RPRD1A: variants seen among roughly 807,000 people sequenced by gnomAD.
RPRD1A encodes the protein regulation of nuclear pre-mRNA domain-containing protein 1A.
In RPRD1A, 9 loss-of-function variants were observed where a neutral mutation model predicts 37.8. The observed-to-expected ratio is 0.24, with a 90% CI of 0.14 to 0.42. RPRD1A has a LOEUF of 0.42. RPRD1A is among the 10% of genes least tolerant of loss of function. RPRD1A has a pLI of 1.00. For synonymous variants in RPRD1A, 138 were observed against 139.7 expected (o/e 0.99, Z 0.08); for missense variants, 255 against 371.0 (o/e 0.69, Z 2.57).
At chr18:36,001,026 C>T (rs1208309971) in intron 6 of RPRD1A, among the ~76,000 whole-genome samples, 3 of 152,308 alleles carry the variant, frequency 2.0e-5, no homozygotes, top group East Asian at 3.9e-4. Context: ...AGGTAGTCTA[C>T]TTCTGTCCTT....
chr18:35,993,330 T>A (rs1211279605), intron 6 of RPRD1A, 30 bp from the exon 7 acceptor site: 1 of 1,611,392 alleles, frequency 6.2e-7, no homozygotes, highest in East Asian at 2.2e-5. Flanking sequence ...TCATTAGCAT[T>A]CAGGGATTGA....
chr18:36,034,060 G>T (rs915463788), intron 1 of RPRD1A, among the ~76,000 whole-genome samples: 14 of 151,740 alleles, frequency 9.2e-5, no homozygotes, highest in African/African-American at 3.1e-4. Context: ...ACTCTATCCT[G>T]TATTAAATTT....
chr18:36,009,004 G>C (rs915468975), intron 6 of RPRD1A, among the ~76,000 whole-genome samples: 1 of 152,128 alleles, frequency 6.6e-6, no homozygotes, highest in Non-Finnish European at 1.5e-5. Flanking sequence ...GGAGTAGGGA[G>C]AGGAAACTCT....
At chr18:36,008,571 G>GTATATATATATATATATATATA (rs1359543093) in intron 6 of RPRD1A, among the ~76,000 whole-genome samples, 488 of 27,726 alleles carry the variant, frequency 0.018, 25 homozygotes, top group South Asian at 0.025. Flanking sequence ...GCAAGACCTT[G>GTATATATATATATATATATATA]TGTGTGTATA....
intron 1 of RPRD1A, chr18:36,064,310 A>G (rs1425526771): frequency 6.6e-6 from 1 of 152,506 alleles, no homozygotes; most frequent in Non-Finnish European, 1.5e-5. Context: ...GCTGGGCTTG[A>G]TGGGGGACGA....
Position 36,067,348 on chromosome 18 carries a change from C to G in RPRD1A, c.57G>C (p.Ser19=). The G allele has an allele frequency of 6.2e-7, 1 of 1,608,150 alleles. No homozygotes were observed. ...GGGACAAGGTCTGCACGCTCTGCTG[C>G]GAGTTGCTCAACTCCGACAGCTTCT... ...LEKKLSELSN[S]QQSVQTLSLW... The change falls in exon 1 of 7, where the codon TCG becomes TCC. Residue 19 remains serine, a synonymous_variant. Transcript: ENST00000399022.
At chr18:36,010,572 G>A (rs1351347637) in intron 6 of RPRD1A, among the ~76,000 whole-genome samples, 1 of 152,158 alleles carries the variant, frequency 6.6e-6, no homozygotes, top group African/African-American at 2.4e-5. Flanking sequence ...GGACATCAAT[G>A]TCTTTTGTTT....
rs118052128 is a variant in RPRD1A at position 36,052,147 on chromosome 18, A to C, written c.151+15107T>G. ...AGAAAACAGTGAGACAATGTATTTA[A>C]CATCCTAACAGAAAAAAAAAAAAAC... On this transcript the variant is annotated intron_variant, in intron 1 of 6. Coordinates refer to ENST00000399022, the MANE Select transcript of RPRD1A (RefSeq NM_018170.5). Among the ~76,000 whole-genome samples the C allele has an allele frequency of 6.2e-3, 555 of 89,630 alleles. 4 individuals are homozygous for C. Among genetic ancestry groups the C allele is most frequent in the Non-Finnish European group, 9.3e-3 (435 of 46,902 alleles). 58.8% of individuals were successfully genotyped at this position (89,630 alleles called of 152,430 possible).
At chr18:36,041,696 C>G (rs1444549931) in intron 1 of RPRD1A, among the ~76,000 whole-genome samples, 1 of 152,230 alleles carries the variant, frequency 6.6e-6, no homozygotes, top group African/African-American at 2.4e-5. Flanking sequence ...CCGCCTGTGG[C>G]ATTGTGGGGA....
intron 6 of RPRD1A, among the ~76,000 whole-genome samples, chr18:36,010,174 A>G (rs1376351071): frequency 2.0e-5 from 3 of 152,116 alleles, no homozygotes; most frequent in Admixed American, 2.0e-4. Context: ...AATTCTAGGA[A>G]AAGCTGAAGA....
At chr18:36,048,914 A>T (rs1487121530) in intron 1 of RPRD1A, among the ~76,000 whole-genome samples, 1 of 152,234 alleles carries the variant, frequency 6.6e-6, no homozygotes, top group Non-Finnish European at 1.5e-5. Context: ...TTTACAGCTA[A>T]TAAGTGCATT....
At chr18:36,019,283 ATT>A (rs1459950283) in intron 6 of RPRD1A, among the ~76,000 whole-genome samples, 2 of 151,618 alleles carry the variant, frequency 1.3e-5, no homozygotes, top group African/African-American at 4.9e-5. Flanking sequence ...AATTTTTTAT[ATT>A]TTTAGTAGAG....
intron 1 of RPRD1A, among the ~76,000 whole-genome samples, chr18:36,055,569 G>C (rs549277832): frequency 2.0e-5 from 3 of 152,234 alleles, no homozygotes; most frequent in Admixed American, 6.5e-5. Flanking sequence ...TTTAAAATAA[G>C]ACTGCACAGT....
chr18:35,996,080 A>C (rs1182910571), intron 6 of RPRD1A, among the ~76,000 whole-genome samples: 1 of 152,212 alleles, frequency 6.6e-6, no homozygotes, highest in Non-Finnish European at 1.5e-5. Flanking sequence ...TTAGGTAAAA[A>C]TTAAGAAAAT....
intron 1 of RPRD1A, among the ~76,000 whole-genome samples, chr18:36,061,544 T>C (rs1598674977): frequency 1.3e-5 from 2 of 152,222 alleles, no homozygotes; most frequent in East Asian, 3.8e-4. Flanking sequence ...CAAATGTTAG[T>C]GTTGGTTTCT....
At chr18:36,007,490 T>A (rs1485830115) in intron 6 of RPRD1A, among the ~76,000 whole-genome samples, 1 of 152,182 alleles carries the variant, frequency 6.6e-6, no homozygotes, top group Non-Finnish European at 1.5e-5. Context: ...GTGATCGGAA[T>A]GCAGGGATTC....
chr18:36,040,452 G>T (rs569089318), intron 1 of RPRD1A, among the ~76,000 whole-genome samples: 301 of 152,282 alleles, frequency 2.0e-3, no homozygotes, highest in African/African-American at 7.1e-3. Context: ...AGGGAATAAT[G>T]AAGTGTAAAG....
At chr18:36,063,242 T>C (rs1598678370) in intron 1 of RPRD1A, among the ~76,000 whole-genome samples, 1 of 152,320 alleles carries the variant, frequency 6.6e-6, no homozygotes, top group Non-Finnish European at 1.5e-5. Context: ...TGGAGTGCAG[T>C]GGCGCACTTG....
intron 6 of RPRD1A, among the ~76,000 whole-genome samples, chr18:35,998,070 T>G (rs999220820): frequency 3.3e-5 from 5 of 152,130 alleles, no homozygotes; most frequent in African/African-American, 7.2e-5. Flanking sequence ...AAAATAAACG[T>G]AACTAGGGCT....
Sources: allele counts gnomAD v4.1 joint callset (sites outside exome capture counted in the v4.1 genomes callset), GRCh38; gene constraint gnomAD v4.1.1; transcripts MANE v1.5; gene names NCBI Gene and HGNC (gene_info 2026-07-23, HGNC 2026-07-21).